MPC1: variants seen among roughly 807,000 people sequenced by gnomAD.
The protein encoded by MPC1 is HSPC040 protein.
Under a neutral mutation model 13.9 loss-of-function variants are expected in MPC1, and 6 were observed. That is an observed-to-expected ratio of 0.43 (90% CI 0.24 to 0.85). The LOEUF (loss-of-function observed/expected upper bound fraction) is 0.85. Ranked by LOEUF, MPC1 falls within the 40% of genes least tolerant of loss-of-function variation. MPC1 has a pLI of 0.24. For missense variants in MPC1, 115 were observed against 143.3 expected (o/e 0.80, Z 1.01); for synonymous variants, 47 against 50.5 (o/e 0.93, Z 0.29).
At position 166,382,905 on chromosome 6, in the gene MPC1, T is replaced by A; in HGVS notation, c.-29A>T. 1 of 1,579,624 alleles carries A rather than the reference T, an allele frequency of 6.3e-7. No homozygotes were observed. Among genetic ancestry groups the A allele is most frequent in the Non-Finnish European group, 8.6e-7 (1 of 1,165,594 alleles). ...TGTGCCGACACCAGACCCCGAGTGG[T>A]CCCTGCCTCTGCTGCCGCTTCCCAG... On this transcript the variant is annotated 5_prime_UTR_variant, in exon 1 of 5. Transcript: ENST00000360961.
intron 1 of MPC1, among the ~76,000 whole-genome samples, chr6:166,370,947 A>AT (rs1223669720): frequency 1.3e-5 from 2 of 152,228 alleles, no homozygotes; most frequent in African/African-American, 2.4e-5. Flanking sequence ...AATGTAATCA[A>AT]TAAAAACTAT....
chr6:166,373,098 T>C (rs1210057445), intron 1 of MPC1, among the ~76,000 whole-genome samples: 1 of 152,184 alleles, frequency 6.6e-6, no homozygotes, highest in Non-Finnish European at 1.5e-5. Context: ...TCCCATTATC[T>C]ACATCCCCCG....
At position 166,365,989 on chromosome 6, in the gene MPC1, C is replaced by G; in HGVS notation, c.290G>C (p.Arg97Pro). The G allele has an allele frequency of 1.2e-6, 2 of 1,612,948 alleles. No individual in the cohort carries two copies. Among genetic ancestry groups the G allele is most frequent in the Non-Finnish European group, 1.7e-6 (2 of 1,179,232 alleles). The stretch of plus-strand genomic sequence containing the variant: ...ATCTGCTTACTCGTGTTTGATAAGC[C>G]GCCCTCCCTGGATGAGCTGGGCTAC... ...NEVAQLIQGG[R>P]LIKHEMTKTA... is the part of the protein sequence containing the mutation. The change falls in exon 4 of 5, where the codon CGG (arginine) becomes CCG (proline). Residue 97 changes from arginine (R) to proline (P), a missense_variant. Arg to Pro is a moderately radical substitution (Grantham distance 103). Transcript: ENST00000360961. The surrounding 1 kb of genome is among the most constrained non-coding windows in gnomAD (Gnocchi z 4.2).
intron 1 of MPC1, among the ~76,000 whole-genome samples, chr6:166,373,524 C>T (rs1490314851): frequency 6.6e-6 from 1 of 152,162 alleles, no homozygotes; most frequent in African/African-American, 2.4e-5. Context: ...TTGCCATTCA[C>T]CTACCAAAGG....
chr6:166,366,146 A>C (rs1779143704), intron 3 of MPC1, 40 bp from the exon 4 acceptor site: 1 of 1,601,032 alleles, frequency 6.2e-7, no homozygotes, highest in Non-Finnish European at 8.5e-7. Context: ...AATAACTTAG[A>C]AAACTGAGAG....
rs73265140 is a variant in MPC1 at position 166,373,582 on chromosome 6, T to C, written c.72-3361A>G. ...TTGGCAGTTATGAATAAAACCTCTA[T>C]AAAAATCCACATACAGGTTTTCGTG... is the stretch of plus-strand genomic sequence containing the variant. On this transcript the variant is annotated intron_variant, in intron 1 of 4. Coordinates refer to ENST00000360961, the MANE Select transcript of MPC1 (RefSeq NM_016098.4). Among the ~76,000 whole-genome samples the C allele has an allele frequency of 8.8e-3, 1,333 of 152,330 alleles. 20 individuals are homozygous for C. The highest frequency in any genetic ancestry group is 0.031 in the African/African-American group (1,281 of 41,578).
At chr6:166,378,418 A>G (rs368522476) in intron 1 of MPC1, among the ~76,000 whole-genome samples, 2,237 of 149,976 alleles carry the variant, frequency 0.015, 32 homozygotes, top group Middle Eastern at 0.024. Flanking sequence ...ATACAAATAC[A>G]TGTGTGTGTG....
intron 1 of MPC1, among the ~76,000 whole-genome samples, chr6:166,380,939 CAAAAA>C (rs1175434820): frequency 8.4e-5 from 4 of 47,726 alleles, no homozygotes; most frequent in Non-Finnish European, 1.8e-4. Flanking sequence ...AACTCTGTCT[CAAAAA>C]AAAAAAAAAA....
chr6:166,376,668 CA>C (rs1251617104), intron 1 of MPC1, among the ~76,000 whole-genome samples: 1 of 152,184 alleles, frequency 6.6e-6, no homozygotes, highest in African/African-American at 2.4e-5. Context: ...TAAAATTAAC[CA>C]TTGCATTTGT....
rs750235902 is a variant in MPC1 at position 166,366,081 on chromosome 6, G to A, written c.198C>T (p.Phe66=). The change falls in exon 4 of 5, where the codon TTC becomes TTT. Residue 66 remains phenylalanine (F), a synonymous_variant. Transcript: ENST00000360961. ...TFALCCYSLT[F]MRFAYKVQPR... Reference sequence around the variant, plus strand: ...GCTGTACCTTGTAGGCAAATCTCATGAATGTCAAAGAATAGCAACAGAGGG... The same window carrying A: ...GCTGTACCTTGTAGGCAAATCTCATAAATGTCAAAGAATAGCAACAGAGGG... The A allele has an allele frequency of 2.5e-6, 4 of 1,613,932 alleles. No homozygotes were observed. The South Asian group carries it at 4.4e-5, about 18-fold the overall frequency.
chr6:166,382,716 C>T (rs550593206), intron 1 of MPC1, 90 bp downstream of exon 1: 2 of 1,358,868 alleles, frequency 1.5e-6, no homozygotes, highest in Admixed American at 3.0e-5. Flanking sequence ...GCCACCGCGT[C>T]CTCGCGGCCG....
At chr6:166,380,939 CAAAA>C (rs1175434820) in intron 1 of MPC1, among the ~76,000 whole-genome samples, 4 of 47,730 alleles carry the variant, frequency 8.4e-5, no homozygotes, top group East Asian at 6.1e-4. Flanking sequence ...AACTCTGTCT[CAAAA>C]AAAAAAAAAA....
intron 1 of MPC1, among the ~76,000 whole-genome samples, chr6:166,376,703 A>G (rs554184407): frequency 1.3e-5 from 2 of 152,356 alleles, no homozygotes; most frequent in African/African-American, 4.8e-5. Flanking sequence ...TGATCCCATT[A>G]TCATATGTAA....
In MPC1 at chr6:166,365,281, ACT is replaced by A; in HGVS notation, c.*146_*147del. On this transcript the variant is annotated 3_prime_UTR_variant, in exon 5 of 5. Coordinates refer to ENST00000360961, the MANE Select transcript of MPC1 (RefSeq NM_016098.4). This position sits in a 1 kb window ranked among gnomAD's most constrained non-coding sequence, Gnocchi z 4.2. ...AAGGCAGCAGAGAGTTGGTTTAGAA[ACT>A]CTCAGCTATTTCTATAAAAATAGAA... The A allele has an allele frequency of 1.6e-6, 1 of 617,888 alleles. No individual in the cohort carries two copies. Among genetic ancestry groups the A allele is most frequent in the Non-Finnish European group, 2.5e-6 (1 of 402,072 alleles). The allele number at this position is 617,888 out of a possible 1,614,324, so 38.3% of individuals were successfully genotyped here.
In MPC1 at chr6:166,365,222, CT is replaced by C; in HGVS notation, c.*206del. The C allele has an allele frequency of 2.4e-6, 1 of 414,218 alleles. No individual in the cohort carries two copies. Among genetic ancestry groups the C allele is most frequent in the East Asian group, 3.6e-5 (1 of 27,470 alleles). The allele number at this position is 414,218 out of a possible 1,614,324, so 25.7% of individuals were successfully genotyped here. On this transcript the variant is annotated 3_prime_UTR_variant, in exon 5 of 5. Transcript: ENST00000360961. The surrounding 1 kb of genome is among the most constrained non-coding windows in gnomAD (Gnocchi z 4.2). Reference sequence around the variant, plus strand: ...AATTAATTGCATATTTTGAGCTACTCTTTATGGAAAGAAGTAAAATATTTAA... The same window carrying C: ...AATTAATTGCATATTTTGAGCTACTCTTATGGAAAGAAGTAAAATATTTAA...
In MPC1 at chr6:166,382,920, C is replaced by A. The variant is rs556570579; in HGVS notation, c.-44G>T. 1.9e-6 allele frequency: 3 copies of A among 1,564,996 alleles called. No homozygotes were observed. In the African/African-American group the frequency reaches 4.2e-5, roughly 22 times the overall value. Reference sequence around the variant, plus strand: ...CCCCGAGTGGTCCCTGCCTCTGCTGCCGCTTCCCAGAGCCAATGACACCCC... The same window carrying A: ...CCCCGAGTGGTCCCTGCCTCTGCTGACGCTTCCCAGAGCCAATGACACCCC... On this transcript the variant is annotated 5_prime_UTR_variant, in exon 1 of 5. Coordinates refer to ENST00000360961, the MANE Select transcript of MPC1 (RefSeq NM_016098.4).
chr6:166,373,604 C>T (rs1160186969), intron 1 of MPC1, among the ~76,000 whole-genome samples: 1 of 152,180 alleles, frequency 6.6e-6, no homozygotes, highest in African/African-American at 2.4e-5. Context: ...TACAGGTTTT[C>T]GTGTGGATCT....
chr6:166,371,210 C>T (rs1027107289), intron 1 of MPC1, among the ~76,000 whole-genome samples: 7 of 152,148 alleles, frequency 4.6e-5, no homozygotes, highest in African/African-American at 1.7e-4. Context: ...ACACATTGCA[C>T]CAGAATGTGA....
intron 1 of MPC1, among the ~76,000 whole-genome samples, chr6:166,376,092 T>C (rs1236643461): frequency 6.6e-6 from 1 of 152,228 alleles, no homozygotes; most frequent in Non-Finnish European, 1.5e-5. Flanking sequence ...GTTACCTGTA[T>C]TAAGGCTCTC....
Sources: gnomAD v4.1 joint callset for allele counts (sites outside exome capture counted in the v4.1 genomes callset) on GRCh38, gnomAD v4.1.1 for gene constraint, Gnocchi (gnomAD v3.1) non-coding constraint, MANE v1.5 for transcripts, NCBI Gene and HGNC (gene_info 2026-07-23, HGNC 2026-07-21) for gene names.